ZNF630: variants seen among roughly 807,000 people sequenced by gnomAD.
ZNF630 encodes the protein zinc finger protein 630.
ZNF630 carries 5 observed loss-of-function variants against 7.2 expected under a neutral mutation model. That is an observed-to-expected ratio of 0.70 (90% confidence interval 0.36 to 1.46). The LOEUF (loss-of-function observed/expected upper bound fraction) is 1.46. Ranked by LOEUF, ZNF630 falls within the 40% of genes most tolerant of loss-of-function variation. The probability of loss-of-function intolerance (pLI) is 0.03; values close to 1 mark genes in which losing one functional copy is unlikely to be tolerated. For synonymous variants in ZNF630, 158 were observed against 162.8 expected (o/e 0.97, Z 0.23); for missense variants, 461 against 477.0 (o/e 0.97, Z 0.31).
rs1472376837 is a variant in ZNF630, at chrX:48,060,655, C to T, written c.143-110G>A. The T allele has an allele frequency of 6.6e-6, 6 of 907,221 alleles. No homozygotes were observed. In the Admixed American group the frequency reaches 1.1e-4, roughly 16 times the overall value. The allele number at this position is 907,221 out of a possible 1,213,427, so 74.8% of individuals were successfully genotyped here. A position where few individuals can be genotyped will look rare whatever the true frequency, so the allele number is the denominator to read the frequency against. ...GTTGGATCCTTAACTCACACCATAA[C>T]ATAAAAATAAATTCTAGATATAACA... On this transcript the variant is annotated intron_variant, in intron 3 of 4. Coordinates refer to ENST00000276054, the MANE Select transcript of ZNF630 (RefSeq NM_001282201.2).
At chrX:48,069,841 GT>G (rs1210374790) in intron 1 of ZNF630, among the ~76,000 whole-genome samples, 494 of 41,134 alleles carry the variant, frequency 0.012, 7 homozygotes, top group African/African-American at 0.029. Context: ...GACATTGTCT[GT>G]TTTTTTTTTT....
At chrX:48,069,988 G>A (rs149602348) in intron 1 of ZNF630, among the ~76,000 whole-genome samples, 5,307 of 107,925 alleles carry the variant, frequency 0.049, 152 homozygotes, top group African/African-American at 0.1. Context: ...CTCCCCAGTA[G>A]CTGGGACTAC....
intron 1 of ZNF630, among the ~76,000 whole-genome samples, chrX:48,070,449 A>G (rs1274186592): frequency 9.3e-6 from 1 of 107,647 alleles, no homozygotes; most frequent in Non-Finnish European, 1.9e-5. Context: ...TGTCTCTACT[A>G]CAAATACAAA....
chrX:48,068,249 G>T (rs2059142443), intron 1 of ZNF630, among the ~76,000 whole-genome samples: 2 of 58,802 alleles, frequency 3.4e-5, no homozygotes, highest in Non-Finnish European at 6.8e-5. Flanking sequence ...AGAAAAGAGG[G>T]AGGGAGGGAG....
In ZNF630 at chrX:48,067,127, T is replaced by C. The variant is rs2059134688; in HGVS notation, c.-175-66A>G. The C allele has an allele frequency of 1.6e-5, 6 of 380,416 alleles. No individual in the cohort carries two copies. The East Asian group carries it at 2.5e-4, about 16-fold the overall frequency. 31.4% of individuals were successfully genotyped at this position (380,416 alleles called of 1,213,427 possible). A position where few individuals can be genotyped will look rare whatever the true frequency, so the allele number is the denominator to read the frequency against. ...AGAAACCTTCAACACAGTTTTGTCT[T>C]TAACACCATATTATTGAAAATAACA... On this transcript the variant is annotated intron_variant, in intron 1 of 4. Transcript: ENST00000276054.
In ZNF630 at chrX:48,060,012, G is replaced by A. The variant is rs139073512; in HGVS notation, c.430C>T (p.Arg144Cys). Residue 144 changes from arginine to cysteine, a missense_variant, in exon 5 of 5, where the codon CGT (arginine) becomes TGT (cysteine). Transcript: ENST00000276054. ...CCCATCTCATCAGTCAATGTTTCAC[G>A]ACTGATGACTGTGACCTGCCTCAAA... ...RVLRQVTVIS[R>C]ETLTDEMGSK... 1.3e-3 allele frequency: 1,577 copies of A among 1,205,739 alleles called. 28 individuals are homozygous for A. The African/African-American group carries it at 0.024, about 18-fold the overall frequency.
At position 48,059,234 on chromosome X, in the gene ZNF630, T is replaced by C. The variant is rs781844988; in HGVS notation, c.1208A>G (p.Tyr403Cys). 22 of 1,207,118 alleles carry C rather than the reference T, an allele frequency of 1.8e-5. No homozygotes were observed. The East Asian group carries it at 3.3e-4, about 18-fold the overall frequency. ...GGTCTTCCCACATTCAGTACATTCA[T>C]AGGGCTTCTTCCCAGTATGAGTTAT... ...HQITHTGKKP[Y>C]ECTECGKTFP... The change falls in exon 5 of 5, where the codon TAT (tyrosine) becomes TGT (cysteine). Residue 403 changes from tyrosine (Y) to cysteine (C), a missense_variant. Coordinates refer to ENST00000276054, the MANE Select transcript of ZNF630 (RefSeq NM_001282201.2).
intron 2 of ZNF630, chrX:48,066,461 C>A (rs1341757229): frequency 8.1e-6 from 1 of 123,105 alleles, no homozygotes; most frequent in Non-Finnish European, 1.6e-5. Context: ...CAAGCCCCTG[C>A]CAGAGAACTT....
intron 2 of ZNF630, among the ~76,000 whole-genome samples, chrX:48,066,144 C>T (rs971404091): frequency 2.0e-4 from 22 of 109,982 alleles, no homozygotes; most frequent in African/African-American, 7.3e-4. Flanking sequence ...ATTTACACAT[C>T]CATCTACACA....
chrX:48,064,565 T>C (rs1243735093), intron 2 of ZNF630, among the ~76,000 whole-genome samples: 4 of 111,756 alleles, frequency 3.6e-5, no homozygotes, highest in African/African-American at 1.3e-4. Context: ...CGGGCTCAAG[T>C]GATTCTCCTA....
Position 48,059,887 on chromosome X carries a change from C to T in ZNF630, c.555G>A (p.Leu185=), listed in dbSNP as rs782248358. 43 of 1,205,912 alleles carry T rather than the reference C, an allele frequency of 3.6e-5. No individual in the cohort carries two copies. Among genetic ancestry groups the T allele is most frequent in the South Asian group, 3.0e-4 (17 of 56,677 alleles). ...AATTTAGTAAGTCTGAATTAGACTT[C>T]AAGCTATTTTCACATGAATCAAACT... ...FHKFDSCENS[L]KSNSDLLNYN... The change falls in exon 5 of 5, where the codon TTG becomes TTA. Residue 185 remains leucine (L), a synonymous_variant. Coordinates refer to ENST00000276054, the MANE Select transcript of ZNF630 (RefSeq NM_001282201.2).
rs138608857 is a variant in ZNF630 at position 48,059,731 on chromosome X, A to C, written c.711T>G (p.Asp237Glu). 4 of 1,206,488 alleles carry C rather than the reference A, an allele frequency of 3.3e-6. No homozygotes were observed. In the African/African-American group the frequency reaches 7.1e-5, roughly 21 times the overall value. ...FIHTGMEPYG[D>E]SQCEKVLSHK... ...GACTGAGAACTTTTTCACATTGACTATCTCCATAGGGCTCCATTCCAGTAT... is the reference window on the plus strand; with the variant it reads ...GACTGAGAACTTTTTCACATTGACTCTCTCCATAGGGCTCCATTCCAGTAT... The change falls in exon 5 of 5, where the codon GAT (aspartate) becomes GAG (glutamate). Residue 237 changes from aspartate (D) to glutamate (E), a missense_variant. Coordinates refer to ENST00000276054, the MANE Select transcript of ZNF630 (RefSeq NM_001282201.2).
rs782677470 is a variant in ZNF630, at chrX:48,066,971, A to G, written c.-85T>C. ...GATCAAGCTGAGTTAACCACTCTTC[A>G]ACAGCTGGATGTGACAATGTGTTGC... is the stretch of plus-strand genomic sequence containing the variant. On this transcript the variant is annotated 5_prime_UTR_variant, in exon 2 of 5. Transcript: ENST00000276054. 74 of 996,784 alleles carry G rather than the reference A, an allele frequency of 7.4e-5. No homozygotes were observed. The highest frequency in any genetic ancestry group is 9.9e-5 in the Non-Finnish European group (70 of 710,469). 82.1% of individuals were successfully genotyped at this position (996,784 alleles called of 1,213,427 possible). A position where few individuals can be genotyped will look rare whatever the true frequency, so the allele number is the denominator to read the frequency against.
At position 48,058,270 on chromosome X, in the gene ZNF630, G is replaced by A; in HGVS notation, c.*198C>T. The A allele has an allele frequency of 2.7e-6, 1 of 368,739 alleles. No homozygotes were observed. Among genetic ancestry groups the A allele is most frequent in the Non-Finnish European group, 4.5e-6 (1 of 220,617 alleles). The allele number at this position is 368,739 out of a possible 1,213,427, so 30.4% of individuals were successfully genotyped here. On this transcript the variant is annotated 3_prime_UTR_variant, in exon 5 of 5. Coordinates refer to ENST00000276054, the MANE Select transcript of ZNF630 (RefSeq NM_001282201.2). Reference sequence around the variant, plus strand: ...GTGAAGAGGGCTGAGACAGTTTGAGGGTGAGCAAATTGATTCCATATTTGT... The same window carrying A: ...GTGAAGAGGGCTGAGACAGTTTGAGAGTGAGCAAATTGATTCCATATTTGT...
intron 2 of ZNF630, among the ~76,000 whole-genome samples, chrX:48,063,908 G>A (rs1331906667): frequency 3.6e-5 from 4 of 110,755 alleles, no homozygotes; most frequent in South Asian, 3.8e-4. Context: ...ATATATATAC[G>A]ATTTGAAAAA....
chrX:48,063,297 A>G (rs1250489571), intron 2 of ZNF630, among the ~76,000 whole-genome samples: 1 of 108,683 alleles, frequency 9.2e-6, no homozygotes, highest in Non-Finnish European at 1.9e-5. Flanking sequence ...TGCAATGTGC[A>G]CTTCAAAATC....
At chrX:48,066,688 G>A in intron 2 of ZNF630, 184 bp downstream of exon 2, 1 of 470,216 alleles carries the variant, frequency 2.1e-6, no homozygotes, top group South Asian at 3.8e-5. Context: ...CAGTCAAAAT[G>A]TTTTGCTTAT....
Position 48,058,909 on chromosome X carries a change from C to A in ZNF630, c.1533G>T (p.Gly511=), listed in dbSNP as rs782660683. 2.5e-6 allele frequency: 3 copies of A among 1,205,976 alleles called. No individual in the cohort carries two copies. In the Admixed American group the frequency reaches 6.6e-5, roughly 26 times the overall value. Reference sequence around the variant, plus strand: ...ATTCACCACACTGATAAGGTTTCTCCCCTGTATGAATTCTCTGGTGTATGA... The same window carrying A: ...ATTCACCACACTGATAAGGTTTCTCACCTGTATGAATTCTCTGGTGTATGA... ...PLIIHQRIHT[G]EKPYQCGECG... The change falls in exon 5 of 5, where the codon GGG becomes GGT. Residue 511 remains glycine (G), a synonymous_variant. Coordinates refer to ENST00000276054, the MANE Select transcript of ZNF630 (RefSeq NM_001282201.2).
At chrX:48,066,596 A>G (rs1391550696) in intron 2 of ZNF630, 4 of 328,421 alleles carry the variant, frequency 1.2e-5, no homozygotes, top group Non-Finnish European at 2.1e-5. Context: ...TTGACTTGCT[A>G]AGGAGCTGGA....
Sources: allele counts gnomAD v4.1 joint callset (sites outside exome capture counted in the v4.1 genomes callset), GRCh38; gene constraint gnomAD v4.1.1; transcripts MANE v1.5; gene names NCBI Gene and HGNC (gene_info 2026-07-23, HGNC 2026-07-21).